DNER: variants seen among roughly 807,000 people sequenced by gnomAD.
The protein encoded by DNER is delta and Notch-like epidermal growth factor-related receptor.
Under a neutral mutation model 78.2 loss-of-function variants are expected in DNER, and 33 were observed. That is an observed-to-expected ratio of 0.42 (90% CI 0.32 to 0.56). DNER has a LOEUF of 0.56. Among genes scored for constraint, DNER ranks in the 20% least tolerant of loss-of-function variants. DNER has a pLI of 0.11. For missense variants in DNER, 918 were observed against 975.3 expected, an observed-to-expected ratio of 0.94 and a Z score of 0.78; for synonymous variants, 417 against 384.8, an observed-to-expected ratio of 1.08 and a Z score of -0.98.
At chr2:229,511,000 A>G (rs1695854876) in intron 6 of DNER, among the ~76,000 whole-genome samples, 2 of 152,252 alleles carry the variant, frequency 1.3e-5, no homozygotes, top group African/African-American at 2.4e-5. Flanking sequence ...ACCTACACAC[A>G]GACACACACA....
intron 4 of DNER, among the ~76,000 whole-genome samples, chr2:229,562,241 A>C (rs6711128): frequency 0.015 from 2,288 of 152,140 alleles, 69 homozygotes; most frequent in African/African-American, 0.053. Flanking sequence ...GCCCAGAAAG[A>C]ATCACCATTC....
At chr2:229,668,472 ATATATAGGTAAG>A (rs1699137178) in intron 1 of DNER, among the ~76,000 whole-genome samples, 1 of 143,062 alleles carries the variant, frequency 7.0e-6, no homozygotes, top group African/African-American at 2.6e-5. Flanking sequence ...AAGAAGACAT[ATATATAGGTAAG>A]TATATATATA....
rs772826749 is a variant in DNER, at chr2:229,366,857, C to A, written c.2102+16G>T. ...CATGTGAAGGCAGCATTCCCCACGC[C>A]GCCCCCACAGCCAACCTGGCATGCC... On this transcript the variant is annotated intron_variant, in intron 12 of 12. Transcript: ENST00000341772. The A allele has an allele frequency of 1.2e-6, 2 of 1,613,628 alleles. No homozygotes were observed.
intron 12 of DNER, among the ~76,000 whole-genome samples, chr2:229,361,045 T>C (rs1264200591): frequency 6.6e-6 from 1 of 152,184 alleles, no homozygotes; most frequent in East Asian, 1.9e-4. Flanking sequence ...CCTGAAATGC[T>C]GTATCTACCA....
At chr2:229,450,097 G>A (rs79627851) in intron 7 of DNER, among the ~76,000 whole-genome samples, 5,823 of 152,272 alleles carry the variant, frequency 0.038, 395 homozygotes, top group African/African-American at 0.13. Flanking sequence ...TCAAATTTAA[G>A]AGGACATTTT....
At chr2:229,625,593 C>A (rs774837012) in intron 1 of DNER, among the ~76,000 whole-genome samples, 1 of 152,110 alleles carries the variant, frequency 6.6e-6, no homozygotes, top group Non-Finnish European at 1.5e-5. Context: ...GCTCTAGAAC[C>A]AACAAAGAGC....
intron 1 of DNER, among the ~76,000 whole-genome samples, chr2:229,640,023 C>G (rs1180221643): frequency 2.6e-5 from 4 of 152,208 alleles, no homozygotes; most frequent in African/African-American, 9.7e-5. Context: ...GAAAGGGAAA[C>G]ATCAGCAGAA....
chr2:229,446,133 C>T (rs1210130372), intron 8 of DNER, among the ~76,000 whole-genome samples: 2 of 152,180 alleles, frequency 1.3e-5, no homozygotes, highest in Non-Finnish European at 2.9e-5. Context: ...CATGACTGAA[C>T]CTCTAGAGGC....
chr2:229,558,941 A>C (rs907706820), intron 4 of DNER, among the ~76,000 whole-genome samples: 6 of 152,212 alleles, frequency 3.9e-5, no homozygotes, highest in Non-Finnish European at 8.8e-5. Context: ...GCCAAGCACC[A>C]TGGGAATCCA....
At chr2:229,538,498 G>A (rs2154213002) in intron 5 of DNER, among the ~76,000 whole-genome samples, 1 of 151,960 alleles carries the variant, frequency 6.6e-6, no homozygotes, top group South Asian at 2.1e-4. Context: ...CTGAGTAGCT[G>A]GGATTATAGG....
At chr2:229,629,175 C>T (rs1289872447) in intron 1 of DNER, among the ~76,000 whole-genome samples, 2 of 152,192 alleles carry the variant, frequency 1.3e-5, no homozygotes, top group Non-Finnish European at 2.9e-5. Flanking sequence ...CTGCAATCAT[C>T]ATACAAACCC....
intron 12 of DNER, among the ~76,000 whole-genome samples, chr2:229,364,341 A>G (rs1364944552): frequency 6.6e-6 from 1 of 152,032 alleles, no homozygotes; most frequent in African/African-American, 2.4e-5. Flanking sequence ...CAAACCTCAA[A>G]TGTTAATGAG....
In DNER at chr2:229,520,486, G is replaced by A. The variant is rs114880748; in HGVS notation, c.994-7550C>T. Among the ~76,000 whole-genome samples the A allele has an allele frequency of 7.5e-3, 1,145 of 152,216 alleles. 14 individuals are homozygous for A. The highest frequency in any genetic ancestry group is 0.026 in the African/African-American group (1,072 of 41,532). ...ACATCCGGGTTATTCATAGTTAAAT[G>A]TCCAAACATCTGCTAGGTCAAAACT... On this transcript the variant is annotated intron_variant, in intron 5 of 12. Coordinates refer to ENST00000341772, the MANE Select transcript of DNER (RefSeq NM_139072.4).
At chr2:229,528,504 G>C (rs541990996) in intron 5 of DNER, among the ~76,000 whole-genome samples, 2 of 152,306 alleles carry the variant, frequency 1.3e-5, no homozygotes, top group Admixed American at 1.3e-4. Flanking sequence ...GGATCTGATA[G>C]GGATACCAAG....
chr2:229,556,599 T>C (rs2154213493), intron 4 of DNER, among the ~76,000 whole-genome samples: 1 of 152,350 alleles, frequency 6.6e-6, no homozygotes, highest in African/African-American at 2.4e-5. Context: ...ATTTTACTCA[T>C]CTATTTTTGA....
chr2:229,605,175 TA>T (rs1697910493), intron 1 of DNER, among the ~76,000 whole-genome samples: 1 of 152,020 alleles, frequency 6.6e-6, no homozygotes. Flanking sequence ...AGGTCACCCG[TA>T]AAAGCCCTAC....
chr2:229,400,775 T>C (rs1693250083), intron 10 of DNER, among the ~76,000 whole-genome samples: 1 of 152,108 alleles, frequency 6.6e-6, no homozygotes, highest in Non-Finnish European at 1.5e-5. Context: ...TACTTTACCC[T>C]TAAAGAGCAA....
chr2:229,551,757 C>T (rs1456918924), intron 4 of DNER, among the ~76,000 whole-genome samples: 1 of 151,938 alleles, frequency 6.6e-6, no homozygotes, highest in Admixed American at 6.6e-5. Flanking sequence ...CATAGTGAAA[C>T]CCCATCTCTA....
intron 8 of DNER, among the ~76,000 whole-genome samples, chr2:229,424,639 T>C (rs1693836625): frequency 6.6e-6 from 1 of 152,118 alleles, no homozygotes; most frequent in African/African-American, 2.4e-5. Flanking sequence ...TGCTATTGTA[T>C]TACAGCCCTA....
Sources: allele counts gnomAD v4.1 joint callset (sites outside exome capture counted in the v4.1 genomes callset), GRCh38; gene constraint gnomAD v4.1.1; transcripts MANE v1.5; gene names NCBI Gene and HGNC (gene_info 2026-07-23, HGNC 2026-07-21).